The following UPRT variants were observed in gnomAD, a reference collection of about 807,000 sequenced individuals.
UPRT encodes the protein RP11-311P8.3.
Under a neutral mutation model 22.6 loss-of-function variants are expected in UPRT, and 5 were observed. That is an observed-to-expected ratio of 0.22 (90% CI 0.12 to 0.47). UPRT has a LOEUF of 0.47. Among genes scored for constraint, UPRT ranks in the 20% least tolerant of loss-of-function variants. The pLI, the probability that UPRT is intolerant of heterozygous loss-of-function variation, is 0.99. For synonymous variants in UPRT, 77 were observed against 87.7 expected, an observed-to-expected ratio of 0.88 and a Z score of 0.68; for missense variants, 181 against 239.9, an observed-to-expected ratio of 0.75 and a Z score of 1.62.
intron 1 of UPRT, among the ~76,000 whole-genome samples, chrX:75,287,081 A>G (rs962629780): frequency 9.0e-6 from 1 of 111,103 alleles, no homozygotes; most frequent in African/African-American, 3.3e-5. Context: ...TATATACTTA[A>G]GTCTTTGTAA....
chrX:75,270,074 C>T (rs1225876635), upstream of UPRT, among the ~76,000 whole-genome samples: 1 of 111,168 alleles, frequency 9.0e-6, no homozygotes, highest in African/African-American at 3.3e-5. Flanking sequence ...AACAAACAGC[C>T]CCATCAAAAA....
intron 4 of UPRT, among the ~76,000 whole-genome samples, chrX:75,184,207 G>T (rs1260545774): frequency 5.4e-5 from 6 of 111,703 alleles, no homozygotes; most frequent in Non-Finnish European, 1.1e-4. Flanking sequence ...TGTATAAGGT[G>T]TAAGGAAGGG....
At chrX:75,283,121 A>C (rs1369547596) in intron 1 of UPRT, among the ~76,000 whole-genome samples, 1 of 112,106 alleles carries the variant, frequency 8.9e-6, no homozygotes, top group African/African-American at 3.2e-5. Context: ...GTCCATTTGC[A>C]TGAAGTGTCT....
chrX:75,202,523 AT>A (rs1284694217), intron 4 of UPRT, among the ~76,000 whole-genome samples: 1 of 112,569 alleles, frequency 8.9e-6, no homozygotes, highest in African/African-American at 3.2e-5. Context: ...GGAGAAAAAA[AT>A]AATTATAACT....
chrX:75,226,580 G>A (rs1339412500), intron 4 of UPRT, among the ~76,000 whole-genome samples: 1 of 110,954 alleles, frequency 9.0e-6, no homozygotes, highest in Admixed American at 9.7e-5. Context: ...ACCTTTGCAC[G>A]TGTTATTCCC....
At chrX:75,228,385 G>C (rs776413753) in intron 4 of UPRT, among the ~76,000 whole-genome samples, 29 of 111,649 alleles carry the variant, frequency 2.6e-4, no homozygotes, top group Middle Eastern at 4.7e-3. Context: ...AGTCAAGCTA[G>C]ACATGACTGC....
At chrX:75,297,675 T>C in intron 4 of UPRT, 122 bp downstream of exon 4, 1 of 791,759 alleles carries the variant, frequency 1.3e-6, no homozygotes, top group Non-Finnish European at 1.9e-6. Flanking sequence ...TCTCACTACC[T>C]GTGTTATCTA....
intron 4 of UPRT, among the ~76,000 whole-genome samples, chrX:75,186,502 A>T (rs2082292498): frequency 9.0e-6 from 1 of 111,518 alleles, no homozygotes; most frequent in Non-Finnish European, 1.9e-5. Flanking sequence ...TATTCTGTTG[A>T]GTTGGGGTGG....
intron 5 of UPRT, 122 bp downstream of exon 5, chrX:75,300,018 GA>G: frequency 1.2e-6 from 1 of 835,381 alleles, no homozygotes; most frequent in Non-Finnish European, 1.7e-6. Context: ...TCTCAGTTGG[GA>G]AAACTGCCCC....
chrX:75,206,233 C>T (rs1252609876), intron 4 of UPRT, among the ~76,000 whole-genome samples: 1 of 110,776 alleles, frequency 9.0e-6, no homozygotes, highest in Non-Finnish European at 1.9e-5. Context: ...GTAGGGAAAG[C>T]TTCTATCCAT....
At chrX:75,181,344 T>C (rs998655533) in intron 4 of UPRT, among the ~76,000 whole-genome samples, 4 of 111,800 alleles carry the variant, frequency 3.6e-5, no homozygotes, top group Admixed American at 9.5e-5. Flanking sequence ...CTTTTTTGCT[T>C]CCATATTAAT....
intron 4 of UPRT, among the ~76,000 whole-genome samples, chrX:75,180,695 G>C (rs12387248): frequency 2.9e-5 from 1 of 34,659 alleles, no homozygotes; most frequent in African/African-American, 1.3e-4. Context: ...TTTTTTTTTT[G>C]TTTTTTTTTT....
chrX:75,206,299 T>A (rs1412807216), intron 4 of UPRT, among the ~76,000 whole-genome samples: 1 of 110,939 alleles, frequency 9.0e-6, no homozygotes, highest in African/African-American at 3.3e-5. Context: ...ACGGGGTGCA[T>A]GTTGGTGAAG....
At chrX:75,237,020 A>C (rs1229899344) in intron 4 of UPRT, among the ~76,000 whole-genome samples, 3 of 111,973 alleles carry the variant, frequency 2.7e-5, no homozygotes, top group African/African-American at 6.5e-5. Context: ...CAACCTACAA[A>C]ATGGGAGAAA....
At chrX:75,289,145 A>G (rs2082695043) in intron 1 of UPRT, among the ~76,000 whole-genome samples, 2 of 111,163 alleles carry the variant, frequency 1.8e-5, no homozygotes, top group East Asian at 5.7e-4. Context: ...GGAGTTCAAG[A>G]CCAGCCTGGG....
At chrX:75,194,414 G>T (rs2082326487) in intron 4 of UPRT, among the ~76,000 whole-genome samples, 2 of 111,329 alleles carry the variant, frequency 1.8e-5, no homozygotes. Flanking sequence ...TAGGGTGGCG[G>T]TACCTGGATC....
chrX:75,238,868 G>A (rs1309615352), intron 4 of UPRT, among the ~76,000 whole-genome samples: 1 of 111,530 alleles, frequency 9.0e-6, no homozygotes, highest in Admixed American at 9.6e-5. Flanking sequence ...TGATCCTTTG[G>A]TCAACAACGA....
In UPRT at chrX:75,253,425, G is replaced by T. The variant is rs771437448; in HGVS notation, c.-446-37599G>T. Among the ~76,000 whole-genome samples the T allele has an allele frequency of 7.1e-5, 8 of 112,440 alleles. 1 individual carries two copies. The highest frequency in any genetic ancestry group is 7.5e-5 in the Non-Finnish European group (4 of 53,321). On this transcript the variant is annotated intron_variant, in intron 4 of 13. Transcript: ENST00000652605. ...TCAAAAAATAACAGATGCTGGCAAG[G>T]TTGTGGAAGAAATTGAATGCTTATA... is the stretch of plus-strand genomic sequence containing the variant.
intron 4 of UPRT, among the ~76,000 whole-genome samples, chrX:75,248,001 G>T (rs1261595590): frequency 1.8e-5 from 2 of 112,035 alleles, no homozygotes; most frequent in Non-Finnish European, 3.8e-5. Flanking sequence ...GCAGCTGAGG[G>T]TCCTGACGGT....
Sources: gnomAD v4.1 joint callset for allele counts (sites outside exome capture counted in the v4.1 genomes callset) on GRCh38, gnomAD v4.1.1 for gene constraint, MANE v1.5 for transcripts, NCBI Gene and HGNC (gene_info 2026-07-23, HGNC 2026-07-21) for gene names.